RBFOX1: variants seen among roughly 807,000 people sequenced by gnomAD.
The protein encoded by RBFOX1 is RNA binding protein fox-1 homolog 1.
Under a neutral mutation model 57.7 loss-of-function variants are expected in RBFOX1, and 8 were observed. That is an observed-to-expected ratio of 0.14 (90% CI 0.08 to 0.25). RBFOX1 has a LOEUF of 0.25. Among genes scored for constraint, RBFOX1 ranks in the 10% least tolerant of loss-of-function variants. The probability of loss-of-function intolerance (pLI) is 1.00; values close to 1 mark genes in which losing one functional copy is unlikely to be tolerated. For synonymous variants in RBFOX1, 326 were observed against 222.4 expected, an observed-to-expected ratio of 1.47 and a Z score of -4.15; for missense variants, 611 against 548.5, an observed-to-expected ratio of 1.11 and a Z score of -1.14.
intron 1 of RBFOX1, among the ~76,000 whole-genome samples, chr16:6,261,938 G>A (rs1421046361): frequency 1.3e-5 from 2 of 152,102 alleles, no homozygotes; most frequent in Non-Finnish European, 2.9e-5. Context: ...GCTGAGGCAT[G>A]AGAGTTGCTT....
intron 1 of RBFOX1, among the ~76,000 whole-genome samples, chr16:5,339,281 G>C (rs2064975888): frequency 6.6e-6 from 1 of 151,920 alleles, no homozygotes; most frequent in African/African-American, 2.4e-5. Context: ...TGCCCCCGCT[G>C]CCGCTTGGTT....
intron 4 of RBFOX1, among the ~76,000 whole-genome samples, chr16:5,971,029 G>C (rs1184795002): frequency 5.9e-5 from 9 of 152,282 alleles, no homozygotes; most frequent in African/African-American, 9.6e-5. Flanking sequence ...GTCCATACCA[G>C]AGGATGCTCC....
intron 2 of RBFOX1, among the ~76,000 whole-genome samples, chr16:6,540,092 C>G (rs1352213169): frequency 1.3e-5 from 2 of 152,122 alleles, no homozygotes; most frequent in Non-Finnish European, 2.9e-5. Context: ...GAGAAGCAGG[C>G]TGCCCTCTGT....
chr16:6,971,535 G>T (rs1421341854), intron 3 of RBFOX1, among the ~76,000 whole-genome samples: 1 of 151,556 alleles, frequency 6.6e-6, no homozygotes. Context: ...TGTACCACTG[G>T]AGAATTTTGA....
chr16:5,700,778 C>T (rs1233157681), intron 3 of RBFOX1, among the ~76,000 whole-genome samples: 2 of 152,150 alleles, frequency 1.3e-5, no homozygotes, highest in Non-Finnish European at 2.9e-5. Flanking sequence ...TTCTTTAGTG[C>T]ACTGTGGATG....
At chr16:6,243,776 G>A (rs559965300) in intron 1 of RBFOX1, among the ~76,000 whole-genome samples, 19 of 152,264 alleles carry the variant, frequency 1.2e-4, no homozygotes, top group African/African-American at 4.6e-4. Context: ...TTGGTTGGTA[G>A]GAGTTGTGAT....
At chr16:5,305,346 G>A (rs1365041974) in intron 1 of RBFOX1, among the ~76,000 whole-genome samples, 2 of 152,142 alleles carry the variant, frequency 1.3e-5, no homozygotes, top group African/African-American at 2.4e-5. Flanking sequence ...TCTTCCCATG[G>A]AGTTTCTGAA....
intron 2 of RBFOX1, among the ~76,000 whole-genome samples, chr16:5,579,439 G>A (rs1233417073): frequency 1.3e-5 from 2 of 151,956 alleles, no homozygotes; most frequent in African/African-American, 2.4e-5. Context: ...TGTGCTCCCC[G>A]CATCCATGTG....
intron 3 of RBFOX1, among the ~76,000 whole-genome samples, chr16:5,798,549 G>C (rs2054953360): frequency 6.6e-6 from 1 of 152,138 alleles, no homozygotes; most frequent in Admixed American, 6.5e-5. Context: ...GGGTATTACA[G>C]GGCAGAGGGC....
intron 4 of RBFOX1, among the ~76,000 whole-genome samples, chr16:7,265,596 C>G (rs565671966): frequency 6.6e-6 from 1 of 151,384 alleles, no homozygotes. Context: ...TTACAGGCAC[C>G]CACCACCACG....
chr16:5,279,990 A>C (rs1436266931), intron 1 of RBFOX1, among the ~76,000 whole-genome samples: 6 of 152,184 alleles, frequency 3.9e-5, no homozygotes, highest in Non-Finnish European at 5.9e-5. Context: ...AGGAGTGGTG[A>C]AAGTGGGTAT....
chr16:7,689,564 G>A (rs570795986), intron 14 of RBFOX1, among the ~76,000 whole-genome samples: 17 of 152,166 alleles, frequency 1.1e-4, no homozygotes, highest in African/African-American at 4.1e-4. Flanking sequence ...GGTGGTCAGA[G>A]TTGAAACCCA....
chr16:7,555,992 C>T (rs770281306), intron 5 of RBFOX1, among the ~76,000 whole-genome samples: 5 of 147,592 alleles, frequency 3.4e-5, no homozygotes, highest in Admixed American at 6.6e-5. Flanking sequence ...GCATTTCCAA[C>T]ACCTGGAATT....
At chr16:7,354,555 C>T (rs73565849) in intron 4 of RBFOX1, among the ~76,000 whole-genome samples, 5,053 of 152,214 alleles carry the variant, frequency 0.033, 182 homozygotes, top group African/African-American at 0.089. Flanking sequence ...CTTCTAAACT[C>T]AGCTTTTCAA....
At chr16:7,483,631 A>G (rs1245217629) in intron 4 of RBFOX1, among the ~76,000 whole-genome samples, 1 of 152,152 alleles carries the variant, frequency 6.6e-6, no homozygotes, top group Admixed American at 6.5e-5. Context: ...GGTGGCTGAT[A>G]ATAGAATAAT....
intron 1 of RBFOX1, among the ~76,000 whole-genome samples, chr16:6,229,095 A>G (rs942840588): frequency 3.9e-5 from 6 of 152,106 alleles, no homozygotes; most frequent in African/African-American, 1.2e-4. Context: ...TTGAGAGACC[A>G]TGTTGTGCAG....
chr16:6,046,994 T>A (rs973538371), intron 1 of RBFOX1, among the ~76,000 whole-genome samples: 3 of 152,306 alleles, frequency 2.0e-5, no homozygotes, highest in Non-Finnish European at 4.4e-5. Flanking sequence ...TGGCATCCTT[T>A]CAGCCAAGCC....
chr16:7,089,868 C>G (rs538243144), intron 4 of RBFOX1, among the ~76,000 whole-genome samples: 2 of 150,966 alleles, frequency 1.3e-5, no homozygotes, highest in Non-Finnish European at 2.9e-5. Flanking sequence ...TTCCTGTGCT[C>G]AAGTATTCTG....
At chr16:6,299,963 A>G (rs1022968690) in intron 1 of RBFOX1, among the ~76,000 whole-genome samples, 1 of 152,208 alleles carries the variant, frequency 6.6e-6, no homozygotes, top group Non-Finnish European at 1.5e-5. Context: ...TAAATCTAAC[A>G]AAAGCACCTA....
Sources: gnomAD v4.1 joint callset for allele counts (sites outside exome capture counted in the v4.1 genomes callset) on GRCh38, gnomAD v4.1.1 for gene constraint, MANE v1.5 for transcripts, NCBI Gene and HGNC (gene_info 2026-07-23, HGNC 2026-07-21) for gene names.